The following PTPN11 variants were observed in gnomAD, a reference collection of about 807,000 sequenced individuals.
PTPN11 encodes tyrosine-protein phosphatase non-receptor type 11.
Under a neutral mutation model 78.8 loss-of-function variants are expected in PTPN11, and 6 were observed. That is an observed-to-expected ratio of 0.08 (90% CI 0.04 to 0.15). PTPN11 has a LOEUF of 0.15. PTPN11 is among the 10% of genes least tolerant of loss of function. The pLI is 1.00. For missense variants in PTPN11, 386 were observed against 744.8 expected (o/e 0.52, Z 5.61); for synonymous variants, 221 against 263.5 (o/e 0.84, Z 1.56).
intron 7 of PTPN11, among the ~76,000 whole-genome samples, chr12:112,473,951 C>G (rs1255409744): frequency 2.6e-5 from 4 of 152,152 alleles, no homozygotes; most frequent in Non-Finnish European, 1.5e-5. Flanking sequence ...GGTGCAGTCA[C>G]AGCTCACTGT....
At chr12:112,438,046 T>G (rs569790038) in intron 1 of PTPN11, among the ~76,000 whole-genome samples, 1 of 152,324 alleles carries the variant, frequency 6.6e-6, no homozygotes, top group South Asian at 2.1e-4. Flanking sequence ...AGGACTCTGA[T>G]GTACCTGAAG....
chr12:112,446,142 G>A (rs2037990797), intron 1 of PTPN11, 134 bp from the exon 2 acceptor site: 13 of 1,105,836 alleles, frequency 1.2e-5, no homozygotes, highest in Admixed American at 2.0e-5. Flanking sequence ...GAGGGGGAAG[G>A]GACAGGGAAG....
intron 2 of PTPN11, 145 bp downstream of exon 2, chr12:112,446,543 CT>C: frequency 8.8e-7 from 1 of 1,140,242 alleles, no homozygotes. Flanking sequence ...GGGGAGTGGC[CT>C]CCTGGACATT....
chr12:112,502,032 A>AT (rs1055181287), intron 13 of PTPN11, 112 bp from the exon 14 acceptor site: 701 of 778,664 alleles, frequency 9.0e-4, no homozygotes, highest in Non-Finnish European at 1.3e-3. Context: ...CCGTCTATCA[A>AT]TTTTTTTTTC....
intron 2 of PTPN11, 61 bp downstream of exon 2, chr12:112,446,459 C>T: frequency 6.2e-7 from 1 of 1,609,850 alleles, no homozygotes; most frequent in Non-Finnish European, 8.5e-7. Context: ...GTGGTAAAAC[C>T]ATGCTTGGAT....
chr12:112,457,026 C>T (rs2038172710), intron 6 of PTPN11, among the ~76,000 whole-genome samples: 1 of 152,098 alleles, frequency 6.6e-6, no homozygotes, highest in Non-Finnish European at 1.5e-5. Flanking sequence ...TGGTTTGCTG[C>T]ACACATTAAC....
At position 112,482,226 on chromosome 12, in the gene PTPN11, T is replaced by C. The variant is rs751868474; in HGVS notation, c.1224+21T>C. On this transcript the variant is annotated intron_variant, in intron 10 of 15. Coordinates refer to ENST00000351677, the MANE Select transcript of PTPN11 (RefSeq NM_002834.5). This position sits in a 1 kb window ranked among gnomAD's most constrained non-coding sequence, Gnocchi z 4.4. ...GACAAGTAAGTATATTGTCGTATTC[T>C]AGAGACTTTGGGAACTGTTGATGGT... is the stretch of plus-strand genomic sequence containing the variant. 6.2e-6 allele frequency: 10 copies of C among 1,610,156 alleles called. No individual in the cohort carries two copies. In the South Asian group the frequency reaches 9.9e-5, roughly 16 times the overall value.
chr12:112,480,205 A>G (rs943158306), intron 9 of PTPN11, among the ~76,000 whole-genome samples: 1 of 152,170 alleles, frequency 6.6e-6, no homozygotes, highest in Non-Finnish European at 1.5e-5. Context: ...AGCAGTCCTC[A>G]GTCTTGATTG....
rs397516808 is a variant in PTPN11, at chr12:112,446,327, A to G, written c.66A>G (p.Thr22=). Residue 22 remains threonine (T), a synonymous_variant, in exon 2 of 16, where the codon ACA becomes ACG. Transcript: ENST00000351677. ...TGVEAENLLL[T]RGVDGSFLAR... is the part of the protein sequence containing the mutation. Reference sequence around the variant, plus strand: ...TGGAGGCAGAAAACCTACTGTTGACAAGAGGAGTTGATGGCAGTTTTTTGG... The same window carrying G: ...TGGAGGCAGAAAACCTACTGTTGACGAGAGGAGTTGATGGCAGTTTTTTGG... 9.9e-6 allele frequency: 16 copies of G among 1,614,154 alleles called. No individual in the cohort carries two copies. Among genetic ancestry groups the G allele is most frequent in the Middle Eastern group, 1.7e-4 (1 of 6,060 alleles).
chr12:112,506,515 T>C lies in PTPN11; in HGVS notation c.*723T>C, dbSNP rs2038937779. ...TGAGAAGTTTGTGGTGGGAAAACGT[T>C]TGCCATATTTTCTTTGCATTTGAAT... is the stretch of plus-strand genomic sequence containing the variant. On this transcript the variant is annotated 3_prime_UTR_variant, in exon 16 of 16. Coordinates refer to ENST00000351677, the MANE Select transcript of PTPN11 (RefSeq NM_002834.5). 6.6e-6 allele frequency: 1 copy of C among 152,224 alleles called. No homozygotes were observed. The highest frequency in any genetic ancestry group is 6.5e-5 in the Admixed American group (1 of 15,274). 9.4% of individuals were successfully genotyped at this position (152,224 alleles called of 1,614,324 possible).
chr12:112,484,258 T>C (rs2038640339), intron 10 of PTPN11, among the ~76,000 whole-genome samples: 1 of 152,224 alleles, frequency 6.6e-6, no homozygotes, highest in African/African-American at 2.4e-5. Flanking sequence ...CAGAAATTTC[T>C]GTGCTGTGCC....
Position 112,509,059 on chromosome 12 carries a change from C to G in PTPN11, c.*3267C>G, listed in dbSNP as rs1400581444. The G allele has an allele frequency of 1.3e-5, 2 of 152,214 alleles. No individual in the cohort carries two copies. Among genetic ancestry groups the G allele is most frequent in the African/African-American group, 4.8e-5 (2 of 41,456 alleles). The allele number at this position is 152,214 out of a possible 1,614,324, so 9.4% of individuals were successfully genotyped here. ...CCATAAGGGAAACTTAGACTATAGA[C>G]ATAACTACAAAGCCAGTGCAGCTTT... On this transcript the variant is annotated 3_prime_UTR_variant, in exon 16 of 16. Transcript: ENST00000351677.
chr12:112,463,214 A>G (rs997559850), intron 6 of PTPN11, among the ~76,000 whole-genome samples: 1 of 152,052 alleles, frequency 6.6e-6, no homozygotes, highest in Admixed American at 6.6e-5. Flanking sequence ...TAACATTTTA[A>G]AATTATTTAA....
rs1325353647 is a variant in PTPN11 at position 112,486,483 on chromosome 12, G to A, written c.1233G>A (p.Thr411=). The change falls in exon 11 of 16, where the codon ACG becomes ACA. Residue 411 remains threonine (T), a synonymous_variant. Transcript: ENST00000351677. The stretch of plus-strand genomic sequence containing the variant: ...TCTTGGCTCTACTCCAGGGGAATAC[G>A]GAGAGAACGGTCTGGCAATACCACT... The part of the protein sequence containing the change: ...LKLSKVGQGN[T]ERTVWQYHFR... 16 of 1,613,806 alleles carry A rather than the reference G, an allele frequency of 9.9e-6. 1 individual carries two copies. Among genetic ancestry groups the A allele is most frequent in the Non-Finnish European group, 1.2e-5 (14 of 1,179,812 alleles).
chr12:112,427,931 T>A (rs1363155632), intron 1 of PTPN11, among the ~76,000 whole-genome samples: 1 of 152,060 alleles, frequency 6.6e-6, no homozygotes, highest in Non-Finnish European at 1.5e-5. Context: ...TTTCATTTTT[T>A]ATACAGACGG....
chr12:112,465,754 A>G (rs1481095687), intron 6 of PTPN11, among the ~76,000 whole-genome samples: 1 of 152,184 alleles, frequency 6.6e-6, no homozygotes, highest in Admixed American at 6.5e-5. Context: ...CAGGCTTTGT[A>G]CCAAAGTCTC....
intron 9 of PTPN11, among the ~76,000 whole-genome samples, chr12:112,480,884 A>G (rs2038585107): frequency 6.6e-6 from 1 of 152,212 alleles, no homozygotes; most frequent in Admixed American, 6.5e-5. Flanking sequence ...AGAAAACAAC[A>G]GAACACAAAA....
At chr12:112,476,199 G>A (rs1003589259) in intron 7 of PTPN11, among the ~76,000 whole-genome samples, 1 of 152,156 alleles carries the variant, frequency 6.6e-6, no homozygotes, top group African/African-American at 2.4e-5. Context: ...GGGATCAATG[G>A]TATGCAGTAT....
intron 1 of PTPN11, among the ~76,000 whole-genome samples, chr12:112,433,498 C>T (rs1471762525): frequency 1.3e-5 from 2 of 152,172 alleles, no homozygotes; most frequent in African/African-American, 2.4e-5. Context: ...TTTAATTTTA[C>T]AGATTTATTT....
Sources: gnomAD v4.1 joint callset for allele counts (sites outside exome capture counted in the v4.1 genomes callset) on GRCh38, gnomAD v4.1.1 for gene constraint, Gnocchi (gnomAD v3.1) non-coding constraint, MANE v1.5 for transcripts, NCBI Gene and HGNC (gene_info 2026-07-23, HGNC 2026-07-21) for gene names.